Variants in BCAR3 observed in about 807,000 individuals in gnomAD.
BCAR3 encodes the protein breast cancer anti-estrogen resistance protein 3.
In BCAR3, 37 loss-of-function variants were observed where a neutral mutation model predicts 80.1. The ratio of observed to expected loss-of-function variants is 0.46; its 90% confidence interval spans 0.36 to 0.61. The LOEUF is 0.61. Ranked by LOEUF, BCAR3 falls within the 20% of genes least tolerant of loss-of-function variation. BCAR3 has a pLI of 0.00. For missense variants in BCAR3, 978 were observed against 1,068.2 expected (o/e 0.92, Z 1.18); for synonymous variants, 389 against 418.9 (o/e 0.93, Z 0.87).
At chr1:93,646,642 A>T (rs993987010) in intron 2 of BCAR3, 1 of 152,168 alleles carries the variant, frequency 6.6e-6, no homozygotes, top group East Asian at 1.9e-4. Flanking sequence ...AATACTAGCA[A>T]TGTTTATCCC....
At chr1:93,797,339 T>C (rs1027286702) in intron 2 of BCAR3, among the ~76,000 whole-genome samples, 19 of 152,228 alleles carry the variant, frequency 1.2e-4, no homozygotes, top group African/African-American at 3.9e-4. Context: ...ACTTTTCTTG[T>C]AAATGTCTTT....
At chr1:93,835,127 C>A (rs2100839923) in intron 2 of BCAR3, among the ~76,000 whole-genome samples, 2 of 152,292 alleles carry the variant, frequency 1.3e-5, no homozygotes, top group African/African-American at 4.8e-5. Context: ...TGCAAAGGGA[C>A]TACACATCAA....
intron 2 of BCAR3, among the ~76,000 whole-genome samples, chr1:93,803,773 G>T (rs752067137): frequency 1.7e-4 from 26 of 152,184 alleles, no homozygotes; most frequent in Non-Finnish European, 2.5e-4. Flanking sequence ...AACAAACTCA[G>T]GGAACACTGA....
rs1206248644 is a variant in BCAR3 at position 93,592,058 on chromosome 1, T to C, written c.486+207A>G. On this transcript the variant is annotated intron_variant, in intron 4 of 11. Transcript: ENST00000260502. The surrounding 1 kb of genome is among the most constrained non-coding windows in gnomAD (Gnocchi z 4.8). Reference sequence around the variant, plus strand: ...TGGCTGTCCCTTCACTTCCTGAACATGTGGATGTGTGCTTTGGGTTCTTGA... The same window carrying C: ...TGGCTGTCCCTTCACTTCCTGAACACGTGGATGTGTGCTTTGGGTTCTTGA... 4.8e-6 allele frequency: 3 copies of C among 622,808 alleles called. No individual in the cohort carries two copies. The highest frequency in any genetic ancestry group is 7.8e-6 in the Non-Finnish European group (3 of 385,292). The allele number at this position is 622,808 out of a possible 1,614,324, so 38.6% of individuals were successfully genotyped here. A position where few individuals can be genotyped will look rare whatever the true frequency, so the allele number is the denominator to read the frequency against.
Position 93,592,446 on chromosome 1 carries a change from T to C in BCAR3, c.358-53A>G, listed in dbSNP as rs1674254064. The C allele has an allele frequency of 6.5e-7, 1 of 1,529,052 alleles. No homozygotes were observed. Among genetic ancestry groups the C allele is most frequent in the Non-Finnish European group, 8.7e-7 (1 of 1,146,478 alleles). 94.7% of individuals were successfully genotyped at this position (1,529,052 alleles called of 1,614,324 possible). Reference sequence around the variant, plus strand: ...ACCCTGCCCAGGCCACACCAGGCCATGCCAGCTGGAGGTGACCGCCTGCTT... The same window carrying C: ...ACCCTGCCCAGGCCACACCAGGCCACGCCAGCTGGAGGTGACCGCCTGCTT... On this transcript the variant is annotated intron_variant, in intron 3 of 11. Transcript: ENST00000260502. The surrounding 1 kb of genome is among the most constrained non-coding windows in gnomAD (Gnocchi z 4.8).
intron 2 of BCAR3, among the ~76,000 whole-genome samples, chr1:93,831,411 C>A (rs544629284): frequency 5.3e-5 from 8 of 152,172 alleles, no homozygotes; most frequent in Admixed American, 3.9e-4. Flanking sequence ...TACCACTTGA[C>A]CCCAGTACAA....
chr1:93,784,354 T>TGATG (rs1652869829), intron 2 of BCAR3, among the ~76,000 whole-genome samples: 1 of 152,046 alleles, frequency 6.6e-6, no homozygotes, highest in Non-Finnish European at 1.5e-5. Flanking sequence ...ACAGGGAATG[T>TGATG]GATGGAGCAG....
rs768817148 is a variant in BCAR3, at chr1:93,592,274, G to A, written c.477C>T (p.Ile159=). The A allele has an allele frequency of 2.5e-6, 4 of 1,613,362 alleles. No homozygotes were observed. The highest frequency in any genetic ancestry group is 3.4e-6 in the Non-Finnish European group (4 of 1,179,990). Residue 159 remains isoleucine (I), a synonymous_variant, in exon 4 of 12, where the codon ATC becomes ATT. Coordinates refer to ENST00000260502, the MANE Select transcript of BCAR3 (RefSeq NM_003567.4). The surrounding 1 kb of genome is among the most constrained non-coding windows in gnomAD (Gnocchi z 4.8). ...GGACAAGACCAGGTACCTGTCGGGG[G>A]ATGCGGCCGTGGTACCAGGCATGGC... is the stretch of plus-strand genomic sequence containing the variant. ...LRSHAWYHGR[I]PRQVSENLVQ...
At chr1:93,607,610 T>TA (rs35959413) in intron 3 of BCAR3, among the ~76,000 whole-genome samples, 134 of 144,064 alleles carry the variant, frequency 9.3e-4, no homozygotes, top group Middle Eastern at 3.5e-3. Context: ...CCACTGCCCT[T>TA]AAAAAAAAAA....
intron 2 of BCAR3, among the ~76,000 whole-genome samples, chr1:93,735,890 G>A (rs1450719955): frequency 6.6e-6 from 1 of 152,226 alleles, no homozygotes; most frequent in African/African-American, 2.4e-5. Flanking sequence ...TGCAGGCAGA[G>A]CAGAGAAAGA....
At chr1:93,802,820 G>T (rs965269503) in intron 2 of BCAR3, among the ~76,000 whole-genome samples, 10 of 152,120 alleles carry the variant, frequency 6.6e-5, no homozygotes, top group African/African-American at 2.4e-4. Flanking sequence ...CCCTCTTTTA[G>T]AAGCTTCTAA....
chr1:93,761,352 C>T (rs1651939661), intron 2 of BCAR3, among the ~76,000 whole-genome samples: 2 of 151,612 alleles, frequency 1.3e-5, no homozygotes, highest in Admixed American at 6.6e-5. Flanking sequence ...GGAGGTCTGG[C>T]CTCCTGAGGC....
rs113167181 is a variant in BCAR3, at chr1:93,570,596, T to C, written c.1974+1074A>G. On this transcript the variant is annotated intron_variant, in intron 9 of 11. Coordinates refer to ENST00000260502, the MANE Select transcript of BCAR3 (RefSeq NM_003567.4). ...AATGCCCAGTTTCAGAAACGGTAAT[T>C]AGGGAGTTCTATGGCAGATGGACCA... 1.1e-3 allele frequency among the ~76,000 whole-genome samples: 174 copies of C among 152,308 alleles called. 2 individuals are homozygous for C. Among genetic ancestry groups the C allele is most frequent in the African/African-American group, 4.0e-3 (167 of 41,558 alleles).
chr1:93,742,567 G>C (rs17110374), intron 2 of BCAR3, among the ~76,000 whole-genome samples: 12,930 of 152,146 alleles, frequency 0.085, 1,079 homozygotes, highest in African/African-American at 0.21. Context: ...GCACACCTGG[G>C]TCTGCTTAAA....
chr1:93,578,415 C>A (rs1344422911), intron 7 of BCAR3, among the ~76,000 whole-genome samples: 1 of 152,196 alleles, frequency 6.6e-6, no homozygotes, highest in Non-Finnish European at 1.5e-5. Flanking sequence ...TGAAGCCCTC[C>A]CACACCCCAC....
intron 2 of BCAR3, among the ~76,000 whole-genome samples, chr1:93,765,351 T>C (rs894447218): frequency 1.3e-5 from 2 of 152,216 alleles, no homozygotes; most frequent in African/African-American, 2.4e-5. Context: ...TTAATATTAA[T>C]ACTACCTACT....
Position 93,648,823 on chromosome 1 carries a change from AG to A in BCAR3, c.318-6481del, listed in dbSNP as rs1420160585. 5 of 152,592 alleles carry A rather than the reference AG, an allele frequency of 3.3e-5. 1 individual carries two copies. The highest frequency in any genetic ancestry group is 2.6e-4 in the Admixed American group (4 of 15,310). 9.5% of individuals were successfully genotyped at this position (152,592 alleles called of 1,614,324 possible). On this transcript the variant is annotated intron_variant, in intron 2 of 11. Transcript: ENST00000260502. ...AGTGGGTCTTGGTCCAACCTCCTCC[AG>A]GAAGCCCTCCCTGAGGTACCTTCCC... is the stretch of plus-strand genomic sequence containing the variant.
intron 2 of BCAR3, among the ~76,000 whole-genome samples, chr1:93,784,352 T>C (rs1652869733): frequency 1.3e-5 from 2 of 152,110 alleles, no homozygotes; most frequent in African/African-American, 4.8e-5. Flanking sequence ...GGACAGGGAA[T>C]GTGATGGAGC....
chr1:93,611,360 C>T (rs1674941591), intron 3 of BCAR3, among the ~76,000 whole-genome samples: 2 of 152,326 alleles, frequency 1.3e-5, no homozygotes, highest in Admixed American at 6.5e-5. Context: ...CTACATTCAA[C>T]ACGCATGGAC....
Sources: gnomAD v4.1 joint callset for allele counts (sites outside exome capture counted in the v4.1 genomes callset) on GRCh38, gnomAD v4.1.1 for gene constraint, Gnocchi (gnomAD v3.1) non-coding constraint, MANE v1.5 for transcripts, NCBI Gene and HGNC (gene_info 2026-07-23, HGNC 2026-07-21) for gene names.